Variants in NRG1 observed in about 807,000 individuals in gnomAD.
NRG1 encodes neuregulin 1, also known as pro-neuregulin-1, membrane-bound isoform.
NRG1 carries 18 observed loss-of-function variants against 63.8 expected under a neutral mutation model. The ratio of observed to expected loss-of-function variants is 0.28; its 90% confidence interval spans 0.19 to 0.42. The LOEUF (loss-of-function observed/expected upper bound fraction) is 0.42, where lower values mean the gene tolerates loss of function less well. Among genes scored for constraint, NRG1 ranks in the 10% least tolerant of loss-of-function variants. The pLI is 1.00. For synonymous variants in NRG1, 302 were observed against 301.3 expected, an observed-to-expected ratio of 1.00 and a Z score of -0.02; for missense variants, 762 against 814.7, an observed-to-expected ratio of 0.94 and a Z score of 0.79.
intron 1 of NRG1, among the ~76,000 whole-genome samples, chr8:32,439,900 T>C (rs1819309634): frequency 6.6e-6 from 1 of 150,674 alleles, no homozygotes; most frequent in Non-Finnish European, 1.5e-5. Flanking sequence ...CCTCAACCCC[T>C]CCAGTAGCTG....
At chr8:31,908,409 T>G (rs1011605239) in intron 1 of NRG1, among the ~76,000 whole-genome samples, 1 of 152,128 alleles carries the variant, frequency 6.6e-6, no homozygotes, top group Non-Finnish European at 1.5e-5. Flanking sequence ...TAGGGCTCCA[T>G]TTGTATGGAG....
intron 1 of NRG1, among the ~76,000 whole-genome samples, chr8:31,814,491 G>A (rs956037905): frequency 3.0e-4 from 46 of 152,202 alleles, no homozygotes; most frequent in African/African-American, 1.1e-3. Flanking sequence ...TTAGTGCAAG[G>A]TCTGGCACAT....
At chr8:32,264,591 T>G (rs1850719941) in intron 1 of NRG1, among the ~76,000 whole-genome samples, 1 of 152,222 alleles carries the variant, frequency 6.6e-6, no homozygotes, top group Admixed American at 6.5e-5. Context: ...ATTTCTTGTT[T>G]GTATAGCAAA....
chr8:32,200,569 T>C (rs1384716566), intron 1 of NRG1, among the ~76,000 whole-genome samples: 1 of 152,196 alleles, frequency 6.6e-6, no homozygotes, highest in African/African-American at 2.4e-5. Flanking sequence ...CCCTTTGTAT[T>C]TGAGAACAAG....
At chr8:31,966,509 A>T (rs1309979747) in intron 1 of NRG1, among the ~76,000 whole-genome samples, 1 of 152,246 alleles carries the variant, frequency 6.6e-6, no homozygotes, top group African/African-American at 2.4e-5. Context: ...AGGCTGGTGT[A>T]TATGTCCCAT....
intron 1 of NRG1, among the ~76,000 whole-genome samples, chr8:32,570,061 T>C (rs111487384): frequency 0.22 from 33,372 of 151,572 alleles, 4,398 homozygotes; most frequent in Admixed American, 0.35. Flanking sequence ...GCACACACCA[T>C]CACGCCTGGC....
intron 1 of NRG1, among the ~76,000 whole-genome samples, chr8:32,435,402 T>C (rs1818664981): frequency 6.6e-6 from 1 of 152,190 alleles, no homozygotes; most frequent in South Asian, 2.1e-4. Context: ...ATAGCTCAAG[T>C]CAATGAATTA....
At chr8:31,768,419 G>A (rs1818290478) in intron 1 of NRG1, among the ~76,000 whole-genome samples, 1 of 152,088 alleles carries the variant, frequency 6.6e-6, no homozygotes, top group South Asian at 2.1e-4. Flanking sequence ...GAGTTGCTGT[G>A]GTAATCAGCT....
intron 1 of NRG1, among the ~76,000 whole-genome samples, chr8:32,075,416 A>C (rs1218980792): frequency 6.6e-6 from 1 of 152,190 alleles, no homozygotes; most frequent in Non-Finnish European, 1.5e-5. Context: ...TAGAAAAAGA[A>C]GAGATTACTG....
chr8:32,249,351 C>T (rs1339151424), intron 1 of NRG1, among the ~76,000 whole-genome samples: 1 of 152,002 alleles, frequency 6.6e-6, no homozygotes, highest in African/African-American at 2.4e-5. Context: ...GCAGAGATAG[C>T]AAGAATTTAG....
chr8:31,788,166 A>G (rs531764360), intron 1 of NRG1, among the ~76,000 whole-genome samples: 19 of 152,202 alleles, frequency 1.2e-4, no homozygotes, highest in Admixed American at 1.0e-3. Flanking sequence ...GCATATTTTT[A>G]TAGTATAAAA....
intron 1 of NRG1, among the ~76,000 whole-genome samples, chr8:31,747,414 A>G (rs1203633571): frequency 6.6e-6 from 1 of 151,842 alleles, no homozygotes; most frequent in Non-Finnish European, 1.5e-5. Context: ...TAAGCAAGAG[A>G]CACACAGTCT....
intron 1 of NRG1, among the ~76,000 whole-genome samples, chr8:32,010,435 A>G (rs1814564947): frequency 6.6e-6 from 1 of 152,086 alleles, no homozygotes; most frequent in Non-Finnish European, 1.5e-5. Context: ...ATCTAGAAAT[A>G]GGGCACTAAA....
chr8:32,082,432 T>A (rs148227432), intron 1 of NRG1, among the ~76,000 whole-genome samples: 2 of 152,202 alleles, frequency 1.3e-5, no homozygotes, highest in African/African-American at 4.8e-5. Context: ...TGAGTTTTCA[T>A]CCTTTAGCTC....
intron 1 of NRG1, among the ~76,000 whole-genome samples, chr8:32,148,772 C>T (rs1401768621): frequency 6.6e-6 from 1 of 152,176 alleles, no homozygotes; most frequent in Non-Finnish European, 1.5e-5. Flanking sequence ...AATAAATCCT[C>T]ACAACACCCC....
intron 1 of NRG1, among the ~76,000 whole-genome samples, chr8:32,497,175 G>A (rs1391817763): frequency 2.6e-5 from 4 of 151,962 alleles, no homozygotes; most frequent in South Asian, 2.1e-4. Context: ...GCCCAGGCAC[G>A]GTGGCTCACG....
At chr8:31,709,249 CTTGTGCTGTATCTCTAGATATATTCATA>C (rs1811496803) in intron 1 of NRG1, among the ~76,000 whole-genome samples, 1 of 146,814 alleles carries the variant, frequency 6.8e-6, no homozygotes, top group African/African-American at 2.5e-5. Flanking sequence ...TGGAAATTAT[CTTGTGCTGTATCTCTAGATATATTCATA>C]TAAATTATAT....
chr8:32,016,149 CA>C (rs1563682631), intron 1 of NRG1, among the ~76,000 whole-genome samples: 1 of 152,124 alleles, frequency 6.6e-6, no homozygotes, highest in Non-Finnish European at 1.5e-5. Context: ...CTTTGAGGGG[CA>C]GGCTGTTTCA....
At chr8:32,541,807 G>T (rs1832602030) in intron 1 of NRG1, among the ~76,000 whole-genome samples, 1 of 152,150 alleles carries the variant, frequency 6.6e-6, no homozygotes. Context: ...CTTGGCATTT[G>T]CTGTATGAAT....
Sources: gnomAD v4.1 joint callset for allele counts (sites outside exome capture counted in the v4.1 genomes callset) on GRCh38, gnomAD v4.1.1 for gene constraint, MANE v1.5 for transcripts, NCBI Gene and HGNC (gene_info 2026-07-23, HGNC 2026-07-21) for gene names.